TMEM272: variants seen among roughly 807,000 people sequenced by gnomAD.
The protein encoded by TMEM272 is long intergenic non-protein coding RNA 282.
Under a neutral mutation model 3.7 loss-of-function variants are expected in TMEM272, and 8 were observed. The observed-to-expected ratio is 2.17, with a 90% confidence interval of 1.27 to 3.91. The LOEUF is 3.91. TMEM272 is among the 30% of genes most tolerant of loss of function. TMEM272 has a pLI of 0.00. For synonymous variants in TMEM272, 63 were observed against 39.8 expected (o/e 1.58, Z -2.20); for missense variants, 166 against 91.5 (o/e 1.81, Z -3.32).
At chr13:51,928,691 A>G in the TMEM272 span, among the ~76,000 whole-genome samples, 1 of 152,178 alleles carries the variant, frequency 6.6e-6, no homozygotes, top group Non-Finnish European at 1.5e-5. Flanking sequence ...AGCAGTTTGT[A>G]GAGTGGCCCC....
chr13:51,847,653 G>C (rs932482436), upstream of TMEM272, among the ~76,000 whole-genome samples: 2 of 152,302 alleles, frequency 1.3e-5, no homozygotes, highest in African/African-American at 2.4e-5. Flanking sequence ...CACACTGAGT[G>C]AGTGGAAGCA....
At chr13:51,898,149 C>T in the TMEM272 span, among the ~76,000 whole-genome samples, 1 of 151,786 alleles carries the variant, frequency 6.6e-6, no homozygotes, top group Non-Finnish European at 1.5e-5. Flanking sequence ...ACCTGGGAGG[C>T]AGAGGCTGCA....
chr13:51,918,397 G>C, the TMEM272 span, among the ~76,000 whole-genome samples: 2 of 152,138 alleles, frequency 1.3e-5, no homozygotes, highest in South Asian at 2.1e-4. Flanking sequence ...GCAGTATGAA[G>C]GGGTGGAAAG....
chr13:51,889,467 C>G, the TMEM272 span, among the ~76,000 whole-genome samples: 1 of 152,170 alleles, frequency 6.6e-6, no homozygotes, highest in Non-Finnish European at 1.5e-5. Flanking sequence ...GAAAAAGGCC[C>G]TGTGAAGACA....
At chr13:51,908,148 C>T in the TMEM272 span, 1 of 554,042 alleles carries the variant, frequency 1.8e-6, no homozygotes, top group Non-Finnish European at 3.4e-6. Flanking sequence ...ACTGAAGTAA[C>T]AGCAGTTACT....
chr13:51,906,271 G>C, the TMEM272 span, among the ~76,000 whole-genome samples: 1 of 152,188 alleles, frequency 6.6e-6, no homozygotes, highest in African/African-American at 2.4e-5. Flanking sequence ...AGAATGAGCA[G>C]TTATGGGGGA....
the TMEM272 span, among the ~76,000 whole-genome samples, chr13:51,864,630 G>C: frequency 3.5e-4 from 53 of 152,248 alleles, no homozygotes; most frequent in African/African-American, 1.3e-3. Flanking sequence ...TTCCAGAGTT[G>C]AGCTCTTATG....
At chr13:51,830,567 A>G (rs893453392) in intron 2 of TMEM272, among the ~76,000 whole-genome samples, 4 of 152,212 alleles carry the variant, frequency 2.6e-5, no homozygotes, top group Non-Finnish European at 5.9e-5. Context: ...TAGGGCACTA[A>G]ACGCAGGGTC....
the TMEM272 span, among the ~76,000 whole-genome samples, chr13:51,920,167 G>A: frequency 1.6e-5 from 1 of 62,708 alleles, no homozygotes; most frequent in Non-Finnish European, 3.0e-5. Flanking sequence ...GATGTGAGCT[G>A]CTGCCTGTAT....
At chr13:51,910,460 A>T in the TMEM272 span, 2 of 837,964 alleles carry the variant, frequency 2.4e-6, no homozygotes, top group South Asian at 2.6e-5. Flanking sequence ...AAAAGGGAAC[A>T]GCAACAAATC....
At chr13:51,849,241 C>G (rs1399384339), upstream of TMEM272, among the ~76,000 whole-genome samples, 1 of 152,138 alleles carries the variant, frequency 6.6e-6, no homozygotes, top group Non-Finnish European at 1.5e-5. Context: ...AAGAAATAAG[C>G]CAGCCACAGA....
At chr13:51,878,785 G>A in the TMEM272 span, among the ~76,000 whole-genome samples, 81 of 152,288 alleles carry the variant, frequency 5.3e-4, 1 homozygote, top group South Asian at 0.017. Context: ...TTCACTATAT[G>A]AAGGCTCTTT....
At chr13:51,823,181 C>T (rs766651980) in intron 3 of TMEM272, among the ~76,000 whole-genome samples, 2 of 152,224 alleles carry the variant, frequency 1.3e-5, no homozygotes, top group Non-Finnish European at 2.9e-5. Context: ...CAGGCTCAAG[C>T]GATTCTCCCA....
the TMEM272 span, among the ~76,000 whole-genome samples, chr13:51,863,311 G>A: frequency 2.6e-5 from 4 of 152,152 alleles, no homozygotes; most frequent in African/African-American, 9.7e-5. Flanking sequence ...TGGGCTACAG[G>A]GTCTTTGAAG....
At chr13:51,838,842 T>C (rs1467514020) in intron 1 of TMEM272, among the ~76,000 whole-genome samples, 3 of 152,190 alleles carry the variant, frequency 2.0e-5, no homozygotes, top group African/African-American at 7.2e-5. Flanking sequence ...AGCTCTCACT[T>C]GCTGAGCAAT....
the TMEM272 span, among the ~76,000 whole-genome samples, chr13:51,888,185 A>G: frequency 6.6e-6 from 1 of 151,648 alleles, no homozygotes; most frequent in East Asian, 2.0e-4. Context: ...AGCTGGGATT[A>G]CAGGCACCCA....
chr13:51,892,871 C>T, the TMEM272 span, among the ~76,000 whole-genome samples: 1 of 152,170 alleles, frequency 6.6e-6, no homozygotes, highest in African/African-American at 2.4e-5. Flanking sequence ...GGTTGCCTCA[C>T]CCTCCCCTGG....
At chr13:51,890,953 CTGT>C in the TMEM272 span, among the ~76,000 whole-genome samples, 1 of 152,304 alleles carries the variant, frequency 6.6e-6, no homozygotes. Flanking sequence ...TTGTTTGCCA[CTGT>C]TGTCATGAAT....
the TMEM272 span, among the ~76,000 whole-genome samples, chr13:51,872,971 G>A: frequency 6.6e-6 from 1 of 152,216 alleles, no homozygotes; most frequent in Admixed American, 6.5e-5. Context: ...AGCAAGACAG[G>A]GGTAGAGGTG....
Sources: allele counts gnomAD v4.1 joint callset (sites outside exome capture counted in the v4.1 genomes callset), GRCh38; gene constraint gnomAD v4.1.1; transcripts MANE v1.5; gene names NCBI Gene and HGNC (gene_info 2026-07-23, HGNC 2026-07-21).